The following ITPR2 variants were observed in gnomAD, a reference collection of about 807,000 sequenced individuals.
The protein encoded by ITPR2 is inositol 1,4,5-trisphosphate receptor type 2.
A neutral mutation model predicts 317.1 loss-of-function variants in ITPR2; 207 were observed. The observed-to-expected ratio is 0.65, with a 90% CI of 0.58 to 0.73. The LOEUF is 0.73. Ranked by LOEUF, ITPR2 falls within the 30% of genes least tolerant of loss-of-function variation. The probability of loss-of-function intolerance (pLI) is 0.00; values close to 1 mark genes in which losing one functional copy is unlikely to be tolerated. For synonymous variants in ITPR2, 1,156 were observed against 1,149.1 expected (o/e 1.01, Z -0.12); for missense variants, 2,613 against 3,284.0 (o/e 0.80, Z 4.99).
intron 1 of ITPR2, among the ~76,000 whole-genome samples, chr12:26,799,456 T>C (rs925725301): frequency 1.3e-5 from 2 of 152,222 alleles, no homozygotes; most frequent in Admixed American, 1.3e-4. Flanking sequence ...CAAGAAGCCA[T>C]CATCTTGTGA....
chr12:26,590,034 A>G (rs1243252712), intron 32 of ITPR2, among the ~76,000 whole-genome samples: 1 of 151,700 alleles, frequency 6.6e-6, no homozygotes, highest in Non-Finnish European at 1.5e-5. Flanking sequence ...GAATCCCAGA[A>G]ACTATATCAG....
intron 45 of ITPR2, among the ~76,000 whole-genome samples, chr12:26,462,490 A>G (rs1942061664): frequency 6.6e-6 from 1 of 152,020 alleles, no homozygotes; most frequent in South Asian, 2.1e-4. Flanking sequence ...TTGGGATTAT[A>G]GGCGTGAGCC....
At chr12:26,360,907 A>G (rs1938806247) in intron 55 of ITPR2, among the ~76,000 whole-genome samples, 1 of 151,884 alleles carries the variant, frequency 6.6e-6, no homozygotes, top group African/African-American at 2.4e-5. Flanking sequence ...TGGGGTACTT[A>G]TTGAGAACTA....
intron 2 of ITPR2, among the ~76,000 whole-genome samples, chr12:26,772,491 C>CATATAATATATATATAATAT (rs1949879098): frequency 9.9e-6 from 1 of 100,506 alleles, no homozygotes; most frequent in South Asian, 2.8e-4. Context: ...ATATATAATA[C>CATATAATATATATATAATAT]ATATAATACA....
At chr12:26,820,273 T>C (rs1395519569) in intron 1 of ITPR2, among the ~76,000 whole-genome samples, 1 of 152,178 alleles carries the variant, frequency 6.6e-6, no homozygotes, top group Non-Finnish European at 1.5e-5. Flanking sequence ...TTAAGAAATA[T>C]GAGACATTAT....
chr12:26,715,295 A>G lies in ITPR2; in HGVS notation c.855+4T>C, dbSNP rs777710197. 12 of 1,606,876 alleles carry G rather than the reference A, an allele frequency of 7.5e-6. No individual in the cohort carries two copies. The highest frequency in any genetic ancestry group is 5.6e-5 in the South Asian group (5 of 90,040). ...TTATTAAGTGCCAAAAAACATTTAC[A>G]TACCTCTATTTCCCAGAGTGCTTTA... is the stretch of plus-strand genomic sequence containing the variant. On this transcript the variant is annotated splice_donor_region_variant and intron_variant, in intron 8 of 56. Coordinates refer to ENST00000381340, the MANE Select transcript of ITPR2 (RefSeq NM_002223.4).
chr12:26,487,070 C>T lies in ITPR2; in HGVS notation c.5552G>A (p.Arg1851Lys), dbSNP rs776329526. ...NELMTSGPRMRVRDSTLHLKE... is the reference protein window; with the variant it reads ...NELMTSGPRMKVRDSTLHLKE... ...CAAATACTCAAATACTTCTTTACCTCTCATTCGTGGACCAGATGTCATCAA... is the reference window on the plus strand; with the variant it reads ...CAAATACTCAAATACTTCTTTACCTTTCATTCGTGGACCAGATGTCATCAA... The change falls in exon 40 of 57, where the codon AGA becomes AAA. Residue 1851 changes from arginine to lysine, a missense_variant and splice_region_variant. Coordinates refer to ENST00000381340, the MANE Select transcript of ITPR2 (RefSeq NM_002223.4). 1 of 1,611,244 alleles carries T rather than the reference C, an allele frequency of 6.2e-7. No homozygotes were observed. Among genetic ancestry groups the T allele is most frequent in the African/African-American group, 1.3e-5 (1 of 74,860 alleles).
intron 1 of ITPR2, among the ~76,000 whole-genome samples, chr12:26,821,667 T>C (rs1950941017): frequency 6.6e-6 from 1 of 152,252 alleles, no homozygotes; most frequent in Non-Finnish European, 1.5e-5. Flanking sequence ...TTTTCAATTC[T>C]TAAACTTCAT....
intron 34 of ITPR2, among the ~76,000 whole-genome samples, chr12:26,570,899 G>A (rs556788632): frequency 6.6e-6 from 1 of 152,132 alleles, no homozygotes; most frequent in Non-Finnish European, 1.5e-5. Flanking sequence ...ACACCATGGT[G>A]TACATTTACT....
intron 45 of ITPR2, among the ~76,000 whole-genome samples, chr12:26,467,122 T>C (rs1342708812): frequency 6.6e-6 from 1 of 152,204 alleles, no homozygotes; most frequent in African/African-American, 2.4e-5. Context: ...GAGTGATAGA[T>C]ACATTTCATA....
At chr12:26,615,909 G>T (rs7134483) in intron 26 of ITPR2, among the ~76,000 whole-genome samples, 1 of 151,648 alleles carries the variant, frequency 6.6e-6, no homozygotes, top group Non-Finnish European at 1.5e-5. Context: ...AGCTTGATTT[G>T]CCAGTCATCT....
intron 1 of ITPR2, among the ~76,000 whole-genome samples, chr12:26,810,707 C>A (rs982289296): frequency 1.3e-5 from 2 of 152,200 alleles, no homozygotes; most frequent in African/African-American, 2.4e-5. Context: ...TGTTACATTC[C>A]TTTCATGTAT....
chr12:26,548,567 T>C (rs1319306327), intron 37 of ITPR2, among the ~76,000 whole-genome samples: 1 of 152,192 alleles, frequency 6.6e-6, no homozygotes, highest in African/African-American at 2.4e-5. Context: ...CACCATTTAA[T>C]AGTTTGCTGA....
chr12:26,645,209 A>G (rs1344435755), intron 21 of ITPR2, among the ~76,000 whole-genome samples: 2 of 152,220 alleles, frequency 1.3e-5, no homozygotes, highest in African/African-American at 4.8e-5. Flanking sequence ...ACGTAATTCT[A>G]GAGTTGCCGA....
chr12:26,647,109 A>G (rs927215051), intron 21 of ITPR2, among the ~76,000 whole-genome samples: 2 of 152,226 alleles, frequency 1.3e-5, no homozygotes, highest in African/African-American at 4.8e-5. Context: ...AGTTCACTGA[A>G]CGATGTAGAC....
At position 26,831,744 on chromosome 12, in the gene ITPR2, A is replaced by T. The variant is rs906645397; in HGVS notation, c.92+946T>A. Among the ~76,000 whole-genome samples the T allele has an allele frequency of 1.4e-4, 16 of 113,228 alleles. 1 individual carries two copies. The highest frequency in any genetic ancestry group is 1.7e-4 in the Non-Finnish European group (8 of 46,876). The allele number at this position is 113,228 out of a possible 152,430, so 74.3% of individuals were successfully genotyped here. The stretch of plus-strand genomic sequence containing the variant: ...TTCTACATAAAATATATAAATATAT[A>T]TTCTACATAAAATATATAAATATAT... On this transcript the variant is annotated intron_variant, in intron 1 of 56. Coordinates refer to ENST00000381340, the MANE Select transcript of ITPR2 (RefSeq NM_002223.4). This position sits in a 1 kb window ranked among gnomAD's most constrained non-coding sequence, Gnocchi z 4.9.
chr12:26,483,099 A>C (rs1942583379), intron 42 of ITPR2, among the ~76,000 whole-genome samples: 1 of 152,190 alleles, frequency 6.6e-6, no homozygotes. Flanking sequence ...CCCAGAAAAC[A>C]AAATCAGAGA....
At position 26,558,989 on chromosome 12, in the gene ITPR2, T is replaced by A. The variant is rs35830337; in HGVS notation, c.4822-2614A>T. Reference sequence around the variant, plus strand: ...GAGTCATCCTTGATTCTTCTTTCCATTATCCTACAACACATCGATTCATCC... The same window carrying A: ...GAGTCATCCTTGATTCTTCTTTCCAATATCCTACAACACATCGATTCATCC... On this transcript the variant is annotated intron_variant, in intron 35 of 56. Coordinates refer to ENST00000381340, the MANE Select transcript of ITPR2 (RefSeq NM_002223.4). 3.9e-3 allele frequency among the ~76,000 whole-genome samples: 588 copies of A among 152,326 alleles called. 3 individuals are homozygous for A. The highest frequency in any genetic ancestry group is 6.7e-3 in the Non-Finnish European group (455 of 68,032).
intron 10 of ITPR2, among the ~76,000 whole-genome samples, chr12:26,692,261 A>G (rs183777673): frequency 7.0e-4 from 106 of 152,206 alleles, no homozygotes; most frequent in Non-Finnish European, 1.2e-3. Flanking sequence ...CCCAGGGGGC[A>G]TTGGCAATTT....
Sources: gnomAD v4.1 joint callset for allele counts (sites outside exome capture counted in the v4.1 genomes callset) on GRCh38, gnomAD v4.1.1 for gene constraint, Gnocchi (gnomAD v3.1) non-coding constraint, MANE v1.5 for transcripts, NCBI Gene and HGNC (gene_info 2026-07-23, HGNC 2026-07-21) for gene names.